NEGR1: variants seen among roughly 807,000 people sequenced by gnomAD.
NEGR1 encodes neuronal growth regulator 1, also known as IgLON family member 4.
NEGR1 carries 10 observed loss-of-function variants against 40.9 expected under a neutral mutation model. The ratio of observed to expected loss-of-function variants is 0.24; its 90% CI spans 0.15 to 0.42. The LOEUF (loss-of-function observed/expected upper bound fraction) is 0.42, where lower values mean the gene tolerates loss of function less well. Ranked by LOEUF, NEGR1 falls within the 10% of genes least tolerant of loss-of-function variation. The pLI, the probability that NEGR1 is intolerant of heterozygous loss-of-function variation, is 1.00. For missense variants in NEGR1, 352 were observed against 438.9 expected (o/e 0.80, Z 1.77); for synonymous variants, 185 against 166.8 (o/e 1.11, Z -0.84).
chr1:72,225,312 G>C (rs1349089510), intron 1 of NEGR1, among the ~76,000 whole-genome samples: 1 of 151,788 alleles, frequency 6.6e-6, no homozygotes, highest in Non-Finnish European at 1.5e-5. Flanking sequence ...TTTCTCATCA[G>C]ATTTGAATTA....
chr1:72,059,421 C>T (rs1647145734), intron 1 of NEGR1, among the ~76,000 whole-genome samples: 2 of 151,504 alleles, frequency 1.3e-5, no homozygotes, highest in South Asian at 4.2e-4. Context: ...AGTTCCTTTG[C>T]CTTGACGTGT....
At chr1:72,130,361 C>T (rs1373538121) in intron 1 of NEGR1, among the ~76,000 whole-genome samples, 1 of 152,134 alleles carries the variant, frequency 6.6e-6, no homozygotes, top group Non-Finnish European at 1.5e-5. Context: ...TGCCCTGAGA[C>T]AAAATCATTA....
chr1:71,694,445 T>A (rs1653405280), intron 4 of NEGR1, among the ~76,000 whole-genome samples: 1 of 151,746 alleles, frequency 6.6e-6, no homozygotes, highest in African/African-American at 2.4e-5. Context: ...ATTGCATTAA[T>A]GCTTAAAAAT....
intron 6 of NEGR1, among the ~76,000 whole-genome samples, chr1:71,450,999 G>T (rs958457590): frequency 6.6e-6 from 1 of 152,038 alleles, no homozygotes; most frequent in African/African-American, 2.4e-5. Context: ...TATTTGACAG[G>T]TGTAATCTCT....
chr1:72,058,315 G>A (rs931445344), intron 1 of NEGR1, among the ~76,000 whole-genome samples: 8 of 151,440 alleles, frequency 5.3e-5, no homozygotes, highest in African/African-American at 2.4e-5. Context: ...AGTATCAAAA[G>A]AAAGACTGAC....
In NEGR1 at chr1:72,081,321, T is replaced by C. The variant is rs1385917; in HGVS notation, c.177-146010A>G. ...GTCTAAAGAATGGAATAAGAGGAGC[T>C]TGATAAAGTTTTCCCACTCCCACTT... On this transcript the variant is annotated intron_variant, in intron 1 of 6. Coordinates refer to ENST00000357731, the MANE Select transcript of NEGR1 (RefSeq NM_173808.3). Among the ~76,000 whole-genome samples the C allele has an allele frequency of 4.5e-3, 687 of 152,198 alleles. 3 individuals carry two copies. Among genetic ancestry groups the C allele is most frequent in the African/African-American group, 0.016 (669 of 41,554 alleles).
intron 2 of NEGR1, among the ~76,000 whole-genome samples, chr1:71,884,318 CATAT>C (rs1660664663): frequency 6.6e-6 from 1 of 152,036 alleles, no homozygotes; most frequent in Non-Finnish European, 1.5e-5. Flanking sequence ...TTCTGCAAGC[CATAT>C]ATCATTCATT....
chr1:71,654,627 G>A (rs899480074), intron 4 of NEGR1, among the ~76,000 whole-genome samples: 1 of 152,222 alleles, frequency 6.6e-6, no homozygotes, highest in South Asian at 2.1e-4. Flanking sequence ...ATTCATTGGG[G>A]TGTGGAAAGG....
intron 4 of NEGR1, among the ~76,000 whole-genome samples, chr1:71,692,428 ACT>A (rs1265664943): frequency 6.6e-6 from 1 of 151,624 alleles, no homozygotes; most frequent in Admixed American, 6.6e-5. Flanking sequence ...AATTCAAATA[ACT>A]CTGTTTTCTT....
chr1:72,059,765 T>C (rs566461230), intron 1 of NEGR1, among the ~76,000 whole-genome samples: 5 of 151,702 alleles, frequency 3.3e-5, no homozygotes, highest in African/African-American at 1.2e-4. Flanking sequence ...CTTCATTCAA[T>C]AAACATGATT....
chr1:71,571,838 G>C (rs1398016778), intron 6 of NEGR1, among the ~76,000 whole-genome samples: 1 of 147,000 alleles, frequency 6.8e-6, no homozygotes, highest in African/African-American at 2.5e-5. Context: ...TATGCACAAA[G>C]CAGTTACTTC....
rs116189095 is a variant in NEGR1, at chr1:71,940,414, C to T, written c.177-5103G>A. 7.9e-3 allele frequency among the ~76,000 whole-genome samples: 1,210 copies of T among 152,234 alleles called. 15 individuals are homozygous for T. The highest frequency in any genetic ancestry group is 0.028 in the African/African-American group (1,157 of 41,562). On this transcript the variant is annotated intron_variant, in intron 1 of 6. Transcript: ENST00000357731. ...GCTCTGTTGACACTATACCAAATAT[C>T]ATGATAAATACTTAAATTTTCAGTC...
intron 1 of NEGR1, among the ~76,000 whole-genome samples, chr1:72,191,337 T>C (rs746390410): frequency 1.3e-5 from 2 of 151,726 alleles, no homozygotes; most frequent in Admixed American, 1.3e-4. Flanking sequence ...GTTCCATGAA[T>C]AGTTCCAAAA....
chr1:71,949,012 A>T lies in NEGR1; in HGVS notation c.177-13701T>A, dbSNP rs112222954. Among the ~76,000 whole-genome samples, 898 of 152,194 alleles carry T rather than the reference A, an allele frequency of 5.9e-3. 8 individuals are homozygous for T. Among genetic ancestry groups the T allele is most frequent in the African/African-American group, 0.021 (866 of 41,506 alleles). On this transcript the variant is annotated intron_variant, in intron 1 of 6. Coordinates refer to ENST00000357731, the MANE Select transcript of NEGR1 (RefSeq NM_173808.3). ...TCACTCTAAACACAGGTGAACTGGAATCTGGGGGAAATACTGATATGGCTT... is the reference window on the plus strand; with the variant it reads ...TCACTCTAAACACAGGTGAACTGGATTCTGGGGGAAATACTGATATGGCTT...
intron 1 of NEGR1, among the ~76,000 whole-genome samples, chr1:72,208,832 A>G (rs1346233169): frequency 1.3e-5 from 2 of 151,736 alleles, no homozygotes; most frequent in Non-Finnish European, 3.0e-5. Flanking sequence ...ACTCTAGGAA[A>G]TAATTTGGTA....
chr1:72,038,090 G>T (rs1036320468), intron 1 of NEGR1, among the ~76,000 whole-genome samples: 18 of 152,188 alleles, frequency 1.2e-4, no homozygotes, highest in African/African-American at 4.3e-4. Context: ...AAGTGATGTA[G>T]CAAGGCTTAA....
intron 3 of NEGR1, among the ~76,000 whole-genome samples, chr1:71,706,147 C>A (rs552166724): frequency 6.6e-6 from 1 of 152,208 alleles, no homozygotes; most frequent in Non-Finnish European, 1.5e-5. Context: ...TGCAGCTGTG[C>A]GGTGCACAGA....
chr1:71,929,497 T>A (rs184283414), intron 2 of NEGR1, among the ~76,000 whole-genome samples: 1 of 152,228 alleles, frequency 6.6e-6, no homozygotes, highest in African/African-American at 2.4e-5. Context: ...TAAAAATAGA[T>A]CCTGAATAAA....
At chr1:71,928,258 A>G (rs1308258905) in intron 2 of NEGR1, among the ~76,000 whole-genome samples, 1 of 119,754 alleles carries the variant, frequency 8.4e-6, no homozygotes, top group African/African-American at 3.0e-5. Flanking sequence ...ACACATATGT[A>G]TATACGTATA....
Sources: gnomAD v4.1 joint callset for allele counts (sites outside exome capture counted in the v4.1 genomes callset) on GRCh38, gnomAD v4.1.1 for gene constraint, MANE v1.5 for transcripts, NCBI Gene and HGNC (gene_info 2026-07-23, HGNC 2026-07-21) for gene names.